The following ATP9B variants were observed in gnomAD, a reference collection of about 807,000 sequenced individuals.
ATP9B encodes the protein probable phospholipid-transporting ATPase IIB.
A neutral mutation model predicts 146.1 loss-of-function variants in ATP9B; 110 were observed. The observed-to-expected ratio is 0.75, with a 90% CI of 0.65 to 0.88. ATP9B has a LOEUF of 0.88. Ranked by LOEUF, ATP9B falls within the 40% of genes least tolerant of loss-of-function variation. ATP9B has a pLI of 0.00. For synonymous variants in ATP9B, 604 were observed against 569.7 expected, an observed-to-expected ratio of 1.06 and a Z score of -0.86; for missense variants, 1,499 against 1,496.4, an observed-to-expected ratio of 1.00 and a Z score of -0.03.
In ATP9B at chr18:79,346,777, G is replaced by A. The variant is rs2096891269; in HGVS notation, c.2682+938G>A. 2.0e-5 allele frequency among the ~76,000 whole-genome samples: 3 copies of A among 152,350 alleles called. 1 individual carries two copies. In the South Asian group the frequency reaches 6.2e-4, roughly 32 times the overall value. On this transcript the variant is annotated intron_variant, in intron 23 of 29. Transcript: ENST00000426216. ...ACTCACCGCATGCTTGGTCGGCACAGTCAGCACATGCTCGGTGAATGCGCA... is the reference window on the plus strand; with the variant it reads ...ACTCACCGCATGCTTGGTCGGCACAATCAGCACATGCTCGGTGAATGCGCA...
At chr18:79,190,541 CACACAT>C (rs369081925) in intron 8 of ATP9B, among the ~76,000 whole-genome samples, 1,867 of 143,044 alleles carry the variant, frequency 0.013, 25 homozygotes, top group South Asian at 0.042. Flanking sequence ...CACACACACA[CACACAT>C]ATACATATAT....
intron 2 of ATP9B, among the ~76,000 whole-genome samples, chr18:79,103,941 A>G (rs113919281): frequency 2.8e-4 from 42 of 152,118 alleles, no homozygotes; most frequent in African/African-American, 6.0e-4. Flanking sequence ...TGTGGTCCAT[A>G]TGGTCCCTTC....
intron 12 of ATP9B, among the ~76,000 whole-genome samples, chr18:79,268,173 T>C (rs1280381429): frequency 6.6e-6 from 1 of 152,114 alleles, no homozygotes; most frequent in Non-Finnish European, 1.5e-5. Context: ...CCAGCTGTCT[T>C]TAATTTCTTT....
At chr18:79,123,550 T>A (rs1218423724) in intron 4 of ATP9B, among the ~76,000 whole-genome samples, 2 of 152,122 alleles carry the variant, frequency 1.3e-5, no homozygotes, top group African/African-American at 4.8e-5. Context: ...TTTAAATGTT[T>A]TTGCAGAAAT....
Position 79,342,309 on chromosome 18 carries a change from C to T in ATP9B, c.2325C>T (p.Cys775=). 1 of 1,613,754 alleles carries T rather than the reference C, an allele frequency of 6.2e-7. No homozygotes were observed. Among genetic ancestry groups the T allele is most frequent in the Non-Finnish European group, 8.5e-7 (1 of 1,179,766 alleles). Residue 775 remains cysteine (C), a synonymous_variant, in exon 20 of 30, where the codon TGC becomes TGT. Coordinates refer to ENST00000426216, the MANE Select transcript of ATP9B (RefSeq NM_198531.5). ...GCGATAAACTCGAGACAGCTACCTG[C>T]ATTGCCAAAAGTTCACATCTCGTGT... The part of the protein sequence containing the change: ...LTGDKLETAT[C]IAKSSHLVSR...
At chr18:79,286,726 G>T (rs1247238418) in intron 13 of ATP9B, among the ~76,000 whole-genome samples, 21 of 152,028 alleles carry the variant, frequency 1.4e-4, no homozygotes, top group Admixed American at 1.4e-3. Flanking sequence ...TCCAGTTTTG[G>T]CCCATTCAGT....
intron 1 of ATP9B, among the ~76,000 whole-genome samples, chr18:79,069,994 T>C (rs1244142635): frequency 6.6e-6 from 1 of 152,242 alleles, no homozygotes; most frequent in African/African-American, 2.4e-5. Context: ...ATATCTTTGC[T>C]AGGCACACTT....
Position 79,154,460 on chromosome 18 carries a change from A to G in ATP9B, c.727-44A>G, listed in dbSNP as rs759785363. 3 of 1,359,788 alleles carry G rather than the reference A, an allele frequency of 2.2e-6. No homozygotes were observed. In the African/African-American group the frequency reaches 4.6e-5, roughly 21 times the overall value. 84.2% of individuals were successfully genotyped at this position (1,359,788 alleles called of 1,614,324 possible). On this transcript the variant is annotated intron_variant, in intron 6 of 29. Coordinates refer to ENST00000426216, the MANE Select transcript of ATP9B (RefSeq NM_198531.5). The stretch of plus-strand genomic sequence containing the variant: ...TTGGAATGGAATTGTGTTAATTTGT[A>G]AACCTGCATATAGATAATTAATCTT...
In ATP9B at chr18:79,303,655, T is replaced by G; in HGVS notation, c.1463T>G (p.Val488Gly). The change falls in exon 14 of 30, where the codon GTG becomes GGG. Residue 488 changes from valine to glycine, a missense_variant. Transcript: ENST00000426216. ...TTTAAGCGGCTGCACCTGGGCACCG[T>G]GTCCTATGGCGCCGACACGATGGAT... The part of the protein sequence containing the change: ...MIFKRLHLGT[V>G]SYGADTMDEI... 6.2e-7 allele frequency: 1 copy of G among 1,614,064 alleles called. No homozygotes were observed. Among genetic ancestry groups the G allele is most frequent in the Non-Finnish European group, 8.5e-7 (1 of 1,180,008 alleles).
At chr18:79,178,431 C>T (rs2095208547) in intron 8 of ATP9B, among the ~76,000 whole-genome samples, 1 of 152,094 alleles carries the variant, frequency 6.6e-6, no homozygotes, top group South Asian at 2.1e-4. Flanking sequence ...ATCTGCTTGT[C>T]CTCTTTGGTG....
At chr18:79,368,315 T>G (rs2097047729) in intron 26 of ATP9B, among the ~76,000 whole-genome samples, 1 of 152,218 alleles carries the variant, frequency 6.6e-6, no homozygotes, top group Non-Finnish European at 1.5e-5. Flanking sequence ...CACTTGAGCC[T>G]GGAAGGTCGA....
At position 79,228,751 on chromosome 18, in the gene ATP9B, T is replaced by C. The variant is rs78773004; in HGVS notation, c.1107+14713T>C. Among the ~76,000 whole-genome samples the C allele has an allele frequency of 7.5e-3, 1,138 of 152,278 alleles. 12 individuals are homozygous for C. Among genetic ancestry groups the C allele is most frequent in the African/African-American group, 0.017 (727 of 41,554 alleles). ...TAATGAACAGATTTAAGAAGCTGGC[T>C]GGACATGGTTCGCCTGTAATCCCAC... On this transcript the variant is annotated intron_variant, in intron 11 of 29. Transcript: ENST00000426216.
In ATP9B at chr18:79,259,647, C is replaced by T. The variant is rs1336844728; in HGVS notation, c.1268+6106C>T. Among the ~76,000 whole-genome samples, 6 of 152,176 alleles carry T rather than the reference C, an allele frequency of 3.9e-5. No homozygotes were observed. In the South Asian group the frequency reaches 1.2e-3, roughly 32 times the overall value. Reference sequence around the variant, plus strand: ...GAGCGTGGGGATGCTTGCCTGTGCGCTTCCAGAGCAGACGGACCAGGGACC... The same window carrying T: ...GAGCGTGGGGATGCTTGCCTGTGCGTTTCCAGAGCAGACGGACCAGGGACC... On this transcript the variant is annotated intron_variant, in intron 12 of 29. Transcript: ENST00000426216.
Position 79,377,505 on chromosome 18 carries a change from G to A in ATP9B, c.*122G>A. The A allele has an allele frequency of 7.5e-7, 1 of 1,325,348 alleles. No homozygotes were observed. Among genetic ancestry groups the A allele is most frequent in the Non-Finnish European group, 1.0e-6 (1 of 976,156 alleles). 82.1% of individuals were successfully genotyped at this position (1,325,348 alleles called of 1,614,324 possible). On this transcript the variant is annotated 3_prime_UTR_variant, in exon 30 of 30. Transcript: ENST00000426216. ...AAGCAAGCACCACAAGAAAGGGAGGGTACGCCAGGCGAGCCCAGGGCACAG... is the reference window on the plus strand; with the variant it reads ...AAGCAAGCACCACAAGAAAGGGAGGATACGCCAGGCGAGCCCAGGGCACAG...
At chr18:79,160,875 G>A (rs62101124) in intron 7 of ATP9B, among the ~76,000 whole-genome samples, 2,777 of 152,178 alleles carry the variant, frequency 0.018, 34 homozygotes, top group South Asian at 0.054. Context: ...GGGTTCCAGC[G>A]ATTCTCCTGC....
chr18:79,209,044 G>A lies in ATP9B; in HGVS notation c.1030+2032G>A, dbSNP rs548131648. Among the ~76,000 whole-genome samples, 12 of 152,290 alleles carry A rather than the reference G, an allele frequency of 7.9e-5. No individual in the cohort carries two copies. The East Asian group carries it at 1.9e-3, about 24-fold the overall frequency. ...AGGCATGAGTGTTGCCAGCCTCTCC[G>A]CCAGGTGGTGAGTGTGGTCAGTGCT... On this transcript the variant is annotated intron_variant, in intron 10 of 29. Coordinates refer to ENST00000426216, the MANE Select transcript of ATP9B (RefSeq NM_198531.5).
chr18:79,091,472 G>C (rs1261099338), intron 1 of ATP9B, among the ~76,000 whole-genome samples: 1 of 152,068 alleles, frequency 6.6e-6, no homozygotes, highest in African/African-American at 2.4e-5. Context: ...GTGTTTTATA[G>C]TTTTCATCAT....
chr18:79,227,245 CCTGGGCTTGGCT>C (rs2095744835), intron 11 of ATP9B, among the ~76,000 whole-genome samples: 1 of 152,038 alleles, frequency 6.6e-6, no homozygotes, highest in East Asian at 1.9e-4. Flanking sequence ...TTGCTCCAGC[CCTGGGCTTGGCT>C]CTGGGTTCCT....
At chr18:79,249,182 A>G (rs578040053) in intron 11 of ATP9B, among the ~76,000 whole-genome samples, 1 of 152,152 alleles carries the variant, frequency 6.6e-6, no homozygotes, top group East Asian at 1.9e-4. Flanking sequence ...ACCATTAGCT[A>G]TTTAAAACTT....
Sources: gnomAD v4.1 joint callset for allele counts (sites outside exome capture counted in the v4.1 genomes callset) on GRCh38, gnomAD v4.1.1 for gene constraint, MANE v1.5 for transcripts, NCBI Gene and HGNC (gene_info 2026-07-23, HGNC 2026-07-21) for gene names.